The following ZNF804A variants were observed in gnomAD, a reference collection of about 807,000 sequenced individuals.
The protein encoded by ZNF804A is zinc finger protein 804A.
In ZNF804A, 2 loss-of-function variants were observed where a neutral mutation model predicts 16.5. The observed-to-expected ratio is 0.12, with a 90% CI of 0.05 to 0.38. The LOEUF (loss-of-function observed/expected upper bound fraction) is 0.38. ZNF804A is among the 10% of genes least tolerant of loss of function. The probability of loss-of-function intolerance (pLI) is 0.99; values close to 1 mark genes in which losing one functional copy is unlikely to be tolerated. For synonymous variants in ZNF804A, 534 were observed against 489.6 expected, an observed-to-expected ratio of 1.09 and a Z score of -1.20; for missense variants, 1,473 against 1,390.7, an observed-to-expected ratio of 1.06 and a Z score of -0.94.
chr2:184,848,301 ACTT>A (rs1417026226), intron 1 of ZNF804A, among the ~76,000 whole-genome samples: 1 of 152,048 alleles, frequency 6.6e-6, no homozygotes, highest in Admixed American at 6.6e-5. Context: ...CCAATTATGT[ACTT>A]CTTATATCAC....
chr2:184,908,786 G>T (rs1685316961), intron 2 of ZNF804A, among the ~76,000 whole-genome samples: 1 of 151,934 alleles, frequency 6.6e-6, no homozygotes, highest in Admixed American at 6.6e-5. Flanking sequence ...TTTCTTCATG[G>T]TTTTACAAAA....
chr2:184,898,116 T>A (rs1392734938), intron 2 of ZNF804A, among the ~76,000 whole-genome samples: 5 of 152,166 alleles, frequency 3.3e-5, no homozygotes, highest in Admixed American at 6.5e-5. Flanking sequence ...TAATTTAACA[T>A]CTAAACATGT....
At chr2:184,685,851 C>T (rs1692619434) in intron 1 of ZNF804A, among the ~76,000 whole-genome samples, 1 of 152,196 alleles carries the variant, frequency 6.6e-6, no homozygotes, top group East Asian at 1.9e-4. Context: ...AACCTGTCTA[C>T]CCTCCACCAT....
chr2:184,647,635 A>G (rs1691903683), intron 1 of ZNF804A, among the ~76,000 whole-genome samples: 1 of 152,212 alleles, frequency 6.6e-6, no homozygotes. Flanking sequence ...CAGGCAGAAG[A>G]TAGAATGTCA....
chr2:184,673,617 C>T (rs1289264217), intron 1 of ZNF804A, among the ~76,000 whole-genome samples: 1 of 152,150 alleles, frequency 6.6e-6, no homozygotes, highest in Non-Finnish European at 1.5e-5. Flanking sequence ...ACTTGTTTTG[C>T]CACAGCTTGT....
At chr2:184,628,331 A>G (rs1161359418) in intron 1 of ZNF804A, among the ~76,000 whole-genome samples, 1 of 152,134 alleles carries the variant, frequency 6.6e-6, no homozygotes, top group African/African-American at 2.4e-5. Flanking sequence ...AAAGAAAGAA[A>G]AAAAAGGTGT....
chr2:184,839,582 C>A (rs1305466589), intron 1 of ZNF804A, among the ~76,000 whole-genome samples: 3 of 151,976 alleles, frequency 2.0e-5, no homozygotes, highest in Non-Finnish European at 4.4e-5. Context: ...TCAAGAAAGG[C>A]CATAGCATAA....
intron 2 of ZNF804A, among the ~76,000 whole-genome samples, chr2:184,888,165 A>C (rs974007177): frequency 6.6e-6 from 1 of 152,212 alleles, no homozygotes; most frequent in Non-Finnish European, 1.5e-5. Flanking sequence ...TACTATGTAA[A>C]AATAATTCTG....
chr2:184,654,403 C>CTGTCA (rs1445564592), intron 1 of ZNF804A, among the ~76,000 whole-genome samples: 1 of 152,146 alleles, frequency 6.6e-6, no homozygotes, highest in African/African-American at 2.4e-5. Context: ...GGGAAGGTGG[C>CTGTCA]TGTCATTGAA....
At chr2:184,742,396 C>G (rs969045619) in intron 1 of ZNF804A, among the ~76,000 whole-genome samples, 1 of 151,856 alleles carries the variant, frequency 6.6e-6, no homozygotes, top group Non-Finnish European at 1.5e-5. Flanking sequence ...ACGAAAGTAC[C>G]TGACAGCTGC....
intron 2 of ZNF804A, among the ~76,000 whole-genome samples, chr2:184,898,212 A>C (rs1256870133): frequency 6.6e-6 from 1 of 152,114 alleles, no homozygotes; most frequent in Admixed American, 6.5e-5. Context: ...AGCATTAGAA[A>C]TTTCTTGTAT....
At chr2:184,729,755 T>A (rs1693482004) in intron 1 of ZNF804A, among the ~76,000 whole-genome samples, 1 of 152,136 alleles carries the variant, frequency 6.6e-6, no homozygotes, top group South Asian at 2.1e-4. Context: ...CTATAGTGTC[T>A]AGATATCTTG....
chr2:184,619,319 CAT>C (rs1307736852), intron 1 of ZNF804A, among the ~76,000 whole-genome samples: 1 of 151,652 alleles, frequency 6.6e-6, no homozygotes, highest in Non-Finnish European at 1.5e-5. Flanking sequence ...AAATAGAAGA[CAT>C]ATTTTTGTGT....
chr2:184,837,721 T>G (rs1452471287), intron 1 of ZNF804A, among the ~76,000 whole-genome samples: 1 of 152,138 alleles, frequency 6.6e-6, no homozygotes, highest in Non-Finnish European at 1.5e-5. Context: ...TATAGATGCT[T>G]AATTTTATTT....
intron 1 of ZNF804A, among the ~76,000 whole-genome samples, chr2:184,858,201 C>A (rs1482180227): frequency 6.6e-6 from 1 of 151,864 alleles, no homozygotes; most frequent in African/African-American, 2.4e-5. Context: ...TAAGAGGCTG[C>A]ATTAAAATAA....
chr2:184,685,106 G>A (rs921501107), intron 1 of ZNF804A, among the ~76,000 whole-genome samples: 3 of 152,088 alleles, frequency 2.0e-5, no homozygotes, highest in Non-Finnish European at 4.4e-5. Flanking sequence ...GTGAGCGTGG[G>A]GTCTAGCCAC....
rs536857695 is a variant in ZNF804A at position 184,889,239 on chromosome 2, G to A, written c.255+22727G>A. On this transcript the variant is annotated intron_variant, in intron 2 of 3. Coordinates refer to ENST00000302277, the MANE Select transcript of ZNF804A (RefSeq NM_194250.2). Reference sequence around the variant, plus strand: ...TTTTGGGATACTGATACTTTCTTCAGACTTAATTTTTTAACCTTGTTTTAA... The same window carrying A: ...TTTTGGGATACTGATACTTTCTTCAAACTTAATTTTTTAACCTTGTTTTAA... Among the ~76,000 whole-genome samples, 5 of 151,222 alleles carry A rather than the reference G, an allele frequency of 3.3e-5. No individual in the cohort carries two copies. In the East Asian group the frequency reaches 7.7e-4, roughly 23 times the overall value.
intron 1 of ZNF804A, among the ~76,000 whole-genome samples, chr2:184,658,999 A>G (rs1692124733): frequency 6.6e-6 from 1 of 152,204 alleles, no homozygotes; most frequent in Non-Finnish European, 1.5e-5. Flanking sequence ...CAAAATATCC[A>G]GAAAGAATGC....
chr2:184,646,596 G>T (rs953970929), intron 1 of ZNF804A, among the ~76,000 whole-genome samples: 1 of 152,166 alleles, frequency 6.6e-6, no homozygotes, highest in Non-Finnish European at 1.5e-5. Flanking sequence ...TGCTCACTTA[G>T]ATCAGCAGCC....
Sources: allele counts gnomAD v4.1 joint callset (sites outside exome capture counted in the v4.1 genomes callset), GRCh38; gene constraint gnomAD v4.1.1; transcripts MANE v1.5; gene names NCBI Gene and HGNC (gene_info 2026-07-23, HGNC 2026-07-21).